PLXNA4: variants seen among roughly 807,000 people sequenced by gnomAD.
PLXNA4 encodes plexin A4.
In PLXNA4, 44 loss-of-function variants were observed where a neutral mutation model predicts 191.8. The observed-to-expected ratio is 0.23, with a 90% CI of 0.18 to 0.29. The LOEUF is 0.29. PLXNA4 is among the 10% of genes least tolerant of loss of function. The probability of loss-of-function intolerance (pLI) is 1.00; values close to 1 mark genes in which losing one functional copy is unlikely to be tolerated. For synonymous variants in PLXNA4, 1,082 were observed against 1,009.5 expected, an observed-to-expected ratio of 1.07 and a Z score of -1.36; for missense variants, 1,800 against 2,488.8, an observed-to-expected ratio of 0.72 and a Z score of 5.89.
chr7:132,162,942 G>A (rs530403610), intron 24 of PLXNA4, among the ~76,000 whole-genome samples: 17 of 152,268 alleles, frequency 1.1e-4, no homozygotes, highest in African/African-American at 3.9e-4. Context: ...CAGAGCAGTT[G>A]GAGGGGTTGT....
At chr7:132,232,411 C>T (rs553310258) in intron 5 of PLXNA4, among the ~76,000 whole-genome samples, 21 of 152,290 alleles carry the variant, frequency 1.4e-4, no homozygotes, top group Non-Finnish European at 1.8e-4. Flanking sequence ...GTGTCACCCC[C>T]GCCCCAAATG....
At chr7:132,297,741 T>C (rs1801143286) in intron 4 of PLXNA4, among the ~76,000 whole-genome samples, 1 of 152,186 alleles carries the variant, frequency 6.6e-6, no homozygotes, top group Non-Finnish European at 1.5e-5. Context: ...GTGACTTTGG[T>C]ATGAGGTAGC....
intron 3 of PLXNA4, among the ~76,000 whole-genome samples, chr7:132,386,007 G>A (rs1056541212): frequency 1.3e-4 from 20 of 152,148 alleles, no homozygotes; most frequent in African/African-American, 4.6e-4. Flanking sequence ...TTTTCTCTGT[G>A]ATTTTTAAAC....
chr7:132,395,788 T>C (rs931276562), intron 3 of PLXNA4, among the ~76,000 whole-genome samples: 1 of 152,270 alleles, frequency 6.6e-6, no homozygotes, highest in African/African-American at 2.4e-5. Flanking sequence ...CTAGAAGGAA[T>C]GACCAGGATC....
intron 3 of PLXNA4, among the ~76,000 whole-genome samples, chr7:132,349,080 G>A (rs1803373090): frequency 6.6e-6 from 1 of 152,134 alleles, no homozygotes; most frequent in African/African-American, 2.4e-5. Context: ...CGAAAGATGG[G>A]TCAAGGACCA....
intron 4 of PLXNA4, among the ~76,000 whole-genome samples, chr7:132,249,902 C>T (rs1416936033): frequency 6.6e-6 from 1 of 152,238 alleles, no homozygotes; most frequent in Non-Finnish European, 1.5e-5. Flanking sequence ...ACGGGCAGAT[C>T]ACCAAGTAGC....
At chr7:132,175,230 C>T (rs1346060976) in intron 20 of PLXNA4, among the ~76,000 whole-genome samples, 2 of 152,034 alleles carry the variant, frequency 1.3e-5, no homozygotes, top group Non-Finnish European at 2.9e-5. Context: ...GAGAGACTCC[C>T]CATCTGAAGA....
At chr7:132,371,489 A>G (rs78060357) in intron 3 of PLXNA4, among the ~76,000 whole-genome samples, 9,730 of 152,244 alleles carry the variant, frequency 0.064, 389 homozygotes, top group African/African-American at 0.11. Flanking sequence ...ATGTAGGAGC[A>G]TATTTCTGGA....
chr7:132,405,650 C>T (rs890359969), intron 3 of PLXNA4, among the ~76,000 whole-genome samples: 4 of 152,182 alleles, frequency 2.6e-5, no homozygotes, highest in African/African-American at 9.7e-5. Flanking sequence ...CCCCACAGGT[C>T]CCACAGCCCA....
intron 3 of PLXNA4, among the ~76,000 whole-genome samples, chr7:132,408,129 G>C (rs930057830): frequency 9.2e-5 from 14 of 152,056 alleles, no homozygotes; most frequent in African/African-American, 3.4e-4. Flanking sequence ...AAAACAGTAG[G>C]AGAGTGGGTA....
At chr7:132,563,217 C>CTG (rs1801414830) in intron 1 of PLXNA4, among the ~76,000 whole-genome samples, 1 of 107,328 alleles carries the variant, frequency 9.3e-6, no homozygotes, top group African/African-American at 3.6e-5. Flanking sequence ...TCCTCCTCCT[C>CTG]CTTCTCCTCC....
chr7:132,555,045 G>GAAAAAAAAAACAA (rs1800729709), intron 1 of PLXNA4, among the ~76,000 whole-genome samples: 1 of 111,942 alleles, frequency 8.9e-6, no homozygotes, highest in African/African-American at 3.7e-5. Context: ...AAACCTGAAG[G>GAAAAAAAAAACAA]AAAAAAAAAA....
At chr7:132,635,920 T>G (rs1475912633) in intron 2 of PLXNA4, among the ~76,000 whole-genome samples, 1 of 152,216 alleles carries the variant, frequency 6.6e-6, no homozygotes, top group Non-Finnish European at 1.5e-5. Context: ...TGTATTTATC[T>G]GCAGGCAGCA....
At chr7:132,563,463 C>T in intron 1 of PLXNA4, among the ~76,000 whole-genome samples, 2 of 103,114 alleles carry the variant, frequency 1.9e-5, no homozygotes, top group Admixed American at 9.7e-5. Context: ...CCTCCTTCTC[C>T]TCCTCCTCCT....
intron 11 of PLXNA4, among the ~76,000 whole-genome samples, 197 bp from the exon 12 acceptor site, chr7:132,203,033 C>G (rs558912557): frequency 6.6e-6 from 1 of 152,212 alleles, no homozygotes; most frequent in Non-Finnish European, 1.5e-5. Flanking sequence ...AAATGGGAAG[C>G]TCTGGGGTTC....
At chr7:132,540,391 T>G (rs188736057) in intron 1 of PLXNA4, among the ~76,000 whole-genome samples, 8 of 152,172 alleles carry the variant, frequency 5.3e-5, no homozygotes, top group African/African-American at 1.9e-4. Flanking sequence ...AACATGCAAT[T>G]GCTTCAATTG....
At chr7:132,562,595 C>T (rs1801259978) in intron 1 of PLXNA4, among the ~76,000 whole-genome samples, 1 of 114,458 alleles carries the variant, frequency 8.7e-6, no homozygotes. Context: ...TCCTCTTTCT[C>T]CTCCTCCTCC....
chr7:132,338,378 T>G (rs774398012), intron 3 of PLXNA4, among the ~76,000 whole-genome samples: 21 of 152,174 alleles, frequency 1.4e-4, no homozygotes, highest in African/African-American at 1.9e-4. Context: ...AATCCACTGA[T>G]GAAAGGCAAA....
At chr7:132,629,234 C>T (rs1343053413) in intron 2 of PLXNA4, among the ~76,000 whole-genome samples, 2 of 152,150 alleles carry the variant, frequency 1.3e-5, no homozygotes, top group African/African-American at 4.8e-5. Context: ...AATAAGAGGC[C>T]TCAGTAAATT....
Sources: allele counts gnomAD v4.1 joint callset (sites outside exome capture counted in the v4.1 genomes callset), GRCh38; gene constraint gnomAD v4.1.1; transcripts MANE v1.5; gene names NCBI Gene and HGNC (gene_info 2026-07-23, HGNC 2026-07-21).